TXNDC5: variants seen among roughly 807,000 people sequenced by gnomAD.
TXNDC5 encodes the protein thioredoxin domain containing 5.
TXNDC5 carries 44 observed loss-of-function variants against 52.6 expected under a neutral mutation model. The observed-to-expected ratio is 0.84, with a 90% CI of 0.66 to 1.08. The LOEUF (loss-of-function observed/expected upper bound fraction) is 1.08, where lower values mean the gene tolerates loss of function less well. TXNDC5 is among the 50% of genes least tolerant of loss of function. The probability of loss-of-function intolerance (pLI) is 0.00; values close to 1 mark genes in which losing one functional copy is unlikely to be tolerated. For missense variants in TXNDC5, 600 were observed against 565.5 expected (o/e 1.06, Z -0.62); for synonymous variants, 241 against 234.4 (o/e 1.03, Z -0.26).
Position 7,910,689 on chromosome 6 carries a change from C to T in TXNDC5, c.88G>A (p.Gly30Ser). ...GCCCGGGCGCCCCAGCGCCCGCCGCCGCCATGGCCCAGCAGCAGCAGCAGC... is the reference window on the plus strand; with the variant it reads ...GCCCGGGCGCCCCAGCGCCCGCCGCTGCCATGGCCCAGCAGCAGCAGCAGC... ...ALLLLLLGHG[G>S]GGRWGARAQE... The change falls in exon 1 of 10, where the codon GGC (glycine) becomes AGC (serine). Residue 30 changes from glycine to serine, a missense_variant. Gly to Ser is a moderately conservative substitution (Grantham distance 56, BLOSUM62 0). Transcript: ENST00000379757. The T allele has an allele frequency of 9.0e-7, 1 of 1,110,770 alleles. No individual in the cohort carries two copies. Among genetic ancestry groups the T allele is most frequent in the Non-Finnish European group, 1.1e-6 (1 of 911,914 alleles). The allele number at this position is 1,110,770 out of a possible 1,614,324, so 68.8% of individuals were successfully genotyped here. A position where few individuals can be genotyped will look rare whatever the true frequency, so the allele number is the denominator to read the frequency against.
rs2113304532 is a variant in TXNDC5, at chr6:7,881,888, G to A, written c.*1256C>T. 1 of 151,470 alleles carries A rather than the reference G, an allele frequency of 6.6e-6. No homozygotes were observed. The highest frequency in any genetic ancestry group is 2.1e-4 in the South Asian group (1 of 4,808). The allele number at this position is 151,470 out of a possible 1,614,324, so 9.4% of individuals were successfully genotyped here. A position where few individuals can be genotyped will look rare whatever the true frequency, so the allele number is the denominator to read the frequency against. ...GTGTTGGATGCAAAGTGGTTATTAT[G>A]GGAAGTAGCTCGATGGTAAAAGGAC... is the stretch of plus-strand genomic sequence containing the variant. On this transcript the variant is annotated 3_prime_UTR_variant, in exon 10 of 10. Transcript: ENST00000379757.
chr6:7,889,439 C>G, intron 6 of TXNDC5, 56 bp downstream of exon 6: 1 of 1,522,488 alleles, frequency 6.6e-7, no homozygotes, highest in Non-Finnish European at 9.1e-7. Flanking sequence ...CTCAGTAGCT[C>G]AGCCTGATGG....
intron 1 of TXNDC5, among the ~76,000 whole-genome samples, chr6:7,907,405 T>C (rs1760773566): frequency 6.6e-6 from 1 of 152,126 alleles, no homozygotes; most frequent in Non-Finnish European, 1.5e-5. Context: ...AGAGCAAAGC[T>C]ACCTGGTCCA....
At chr6:7,885,824 T>TG in intron 8 of TXNDC5, 137 bp downstream of exon 8, 4 of 693,962 alleles carry the variant, frequency 5.8e-6, no homozygotes, top group Non-Finnish European at 9.4e-6. Flanking sequence ...AACGGTTCCT[T>TG]ATTTCCTACA....
chr6:7,899,855 C>G, intron 2 of TXNDC5, 174 bp from the exon 3 acceptor site: 1 of 485,220 alleles, frequency 2.1e-6, no homozygotes, highest in Non-Finnish European at 3.6e-6. Context: ...ATAATACATT[C>G]AGTTAATCCT....
rs745937751 is a variant in TXNDC5, at chr6:7,886,010, C to T, written c.997G>A (p.Asp333Asn). Residue 333 changes from aspartate (D) to asparagine (N), a missense_variant, in exon 8 of 10, where the codon GAT (aspartate) becomes AAT (asparagine). Coordinates refer to ENST00000379757, the MANE Select transcript of TXNDC5 (RefSeq NM_030810.5). ...TVLALTENNF[D>N]DTIAEGITFI... Reference sequence around the variant, plus strand: ...GTTATTCCTTCTGCAATGGTGTCATCGAAGTTATTTTCAGTGAGTGCCAAC... The same window carrying T: ...GTTATTCCTTCTGCAATGGTGTCATTGAAGTTATTTTCAGTGAGTGCCAAC... 61 of 1,613,970 alleles carry T rather than the reference C, an allele frequency of 3.8e-5. No individual in the cohort carries two copies. The highest frequency in any genetic ancestry group is 2.3e-4 in the Admixed American group (14 of 59,986).
At chr6:7,883,322 T>C (rs1407079907) in intron 9 of TXNDC5, 56 bp from the exon 10 acceptor site, 1 of 1,610,562 alleles carries the variant, frequency 6.2e-7, no homozygotes, top group African/African-American at 1.3e-5. Context: ...ACATGCAAAT[T>C]GCTTCCTAAA....
At chr6:7,887,110 T>TAAC (rs199763453) in intron 7 of TXNDC5, among the ~76,000 whole-genome samples, 1 of 151,998 alleles carries the variant, frequency 6.6e-6, no homozygotes, top group Admixed American at 6.5e-5. Context: ...AAACGTCAAC[T>TAAC]TTTAAACAAC....
At chr6:7,892,627 G>A (rs1448190066) in intron 4 of TXNDC5, among the ~76,000 whole-genome samples, 1 of 152,180 alleles carries the variant, frequency 6.6e-6, no homozygotes, top group Non-Finnish European at 1.5e-5. Context: ...TTCCCATGCT[G>A]GTCTCGTGAT....
intron 2 of TXNDC5, among the ~76,000 whole-genome samples, chr6:7,901,440 G>A (rs181066331): frequency 8.7e-4 from 132 of 152,288 alleles, no homozygotes; most frequent in African/African-American, 3.1e-3. Context: ...GTAAGACCTA[G>A]CCTATGATTT....
chr6:7,910,335 G>A (rs949740396), intron 1 of TXNDC5, among the ~76,000 whole-genome samples, 179 bp downstream of exon 1: 1 of 147,040 alleles, frequency 6.8e-6, no homozygotes, highest in African/African-American at 2.5e-5. Flanking sequence ...CCGGCCCCGC[G>A]CCCCCAGTAT....
At chr6:7,895,301 C>T in intron 3 of TXNDC5, 99 bp from the exon 4 acceptor site, 1 of 1,030,780 alleles carries the variant, frequency 9.7e-7, no homozygotes, top group Non-Finnish European at 1.4e-6. Flanking sequence ...CTGCAGATGC[C>T]TCCCTCACCC....
At position 7,910,555 on chromosome 6, in the gene TXNDC5, C is replaced by T. The variant is rs1463654678; in HGVS notation, c.222G>A (p.Gly74=). Reference sequence around the variant, plus strand: ...TGACGAAGTGCGCGGCGCTCTGGATCCCGTGCGTGAACATGTCGGCCGTGT... The same window carrying T: ...TGACGAAGTGCGCGGCGCTCTGGATTCCGTGCGTGAACATGTCGGCCGTGT... The part of the protein sequence containing the change: ...HLYTADMFTH[G]IQSAAHFVMF... Residue 74 remains glycine, a synonymous_variant, in exon 1 of 10, where the codon GGG becomes GGA. Coordinates refer to ENST00000379757, the MANE Select transcript of TXNDC5 (RefSeq NM_030810.5). 6.9e-7 allele frequency: 1 copy of T among 1,457,684 alleles called. No homozygotes were observed. Among genetic ancestry groups the T allele is most frequent in the East Asian group, 3.3e-5 (1 of 30,546 alleles). The allele number at this position is 1,457,684 out of a possible 1,614,324, so 90.3% of individuals were successfully genotyped here. A position where few individuals can be genotyped will look rare whatever the true frequency, so the allele number is the denominator to read the frequency against.
chr6:7,906,857 T>C (rs1760753180), intron 1 of TXNDC5, among the ~76,000 whole-genome samples: 1 of 152,224 alleles, frequency 6.6e-6, no homozygotes, highest in African/African-American at 2.4e-5. Flanking sequence ...GGTTCCTACA[T>C]GCTTCTCATG....
rs183777097 is a variant in TXNDC5, at chr6:7,910,632, G to A, written c.145C>T (p.Pro49Ser). 54,136 of 1,316,942 alleles carry A rather than the reference G, an allele frequency of 0.041. 1,356 individuals are homozygous for A. The highest frequency in any genetic ancestry group is 0.048 in the Non-Finnish European group (48,531 of 1,013,884). 81.6% of individuals were successfully genotyped at this position (1,316,942 alleles called of 1,614,324 possible). Reference sequence around the variant, plus strand: ...CCGTCCTCGCCGTCTGCCGCGGGGGGCCCGTCCGCCGCCGCCGCCGCCGCC... The same window carrying A: ...CCGTCCTCGCCGTCTGCCGCGGGGGACCCGTCCGCCGCCGCCGCCGCCGCC... ...QEAAAAAADG[P>S]PAADGEDGQD... The change falls in exon 1 of 10, where the codon CCC (proline) becomes TCC (serine). Residue 49 changes from proline (P) to serine (S), a missense_variant. By Grantham distance (74) the Pro-to-Ser change is moderately conservative. Transcript: ENST00000379757.
At chr6:7,898,570 T>G (rs936116327) in intron 3 of TXNDC5, among the ~76,000 whole-genome samples, 3 of 152,238 alleles carry the variant, frequency 2.0e-5, no homozygotes, top group Non-Finnish European at 4.4e-5. Context: ...CTTAGGTATT[T>G]GTTGAAATTG....
At chr6:7,910,062 A>G in intron 1 of TXNDC5, 1 of 986,166 alleles carries the variant, frequency 1.0e-6, no homozygotes. Flanking sequence ...GCCGAGGTGC[A>G]AGAGGCGGTT....
intron 7 of TXNDC5, among the ~76,000 whole-genome samples, chr6:7,888,432 A>G (rs1297121022): frequency 2.0e-5 from 3 of 152,246 alleles, no homozygotes; most frequent in Admixed American, 2.0e-4. Flanking sequence ...AGGATTCTCT[A>G]GAGATTTTTG....
At chr6:7,893,639 C>T (rs186478962) in intron 4 of TXNDC5, among the ~76,000 whole-genome samples, 4 of 152,354 alleles carry the variant, frequency 2.6e-5, no homozygotes, top group African/African-American at 4.8e-5. Context: ...AATGCATTCC[C>T]GTAGCGGAAA....
Sources: allele counts gnomAD v4.1 joint callset (sites outside exome capture counted in the v4.1 genomes callset), GRCh38; gene constraint gnomAD v4.1.1; transcripts MANE v1.5; gene names NCBI Gene and HGNC (gene_info 2026-07-23, HGNC 2026-07-21).